RAI1: variants seen among roughly 807,000 people sequenced by gnomAD.
The protein encoded by RAI1 is retinoic acid induced 1, also known as retinoic acid-induced protein 1.
In RAI1, 9 loss-of-function variants were observed where a neutral mutation model predicts 123.8. The observed-to-expected ratio is 0.07, with a 90% CI of 0.04 to 0.13. The LOEUF is 0.13. RAI1 is among the 10% of genes least tolerant of loss of function. The probability of loss-of-function intolerance (pLI) is 1.00; values close to 1 mark genes in which losing one functional copy is unlikely to be tolerated. For missense variants in RAI1, 2,256 were observed against 2,545.8 expected (o/e 0.89, Z 2.45); for synonymous variants, 1,231 against 1,127.3 (o/e 1.09, Z -1.84).
chr17:17,719,110 G>A (rs1915798609), intron 1 of RAI1, among the ~76,000 whole-genome samples: 1 of 152,184 alleles, frequency 6.6e-6, no homozygotes. Flanking sequence ...CTGGACTAGT[G>A]TAGGATGCAG....
intron 1 of RAI1, among the ~76,000 whole-genome samples, chr17:17,705,495 G>A (rs929267069): frequency 3.3e-5 from 5 of 152,042 alleles, no homozygotes; most frequent in African/African-American, 1.2e-4. Context: ...TCGGTGAGCT[G>A]AGATCGTGCC....
intron 2 of RAI1, among the ~76,000 whole-genome samples, chr17:17,732,082 G>A (rs554534697): frequency 3.3e-5 from 5 of 152,078 alleles, no homozygotes; most frequent in South Asian, 4.2e-4. Flanking sequence ...CCAGCCCTGG[G>A]CACTTTGCTG....
chr17:17,712,297 T>A (rs1296043765), intron 1 of RAI1, among the ~76,000 whole-genome samples: 4 of 152,208 alleles, frequency 2.6e-5, no homozygotes, highest in Non-Finnish European at 5.9e-5. Context: ...TGATATGTGT[T>A]AGGAAGCAAA....
At chr17:17,791,430 C>A (rs1047075985) in intron 2 of RAI1, among the ~76,000 whole-genome samples, 2 of 152,034 alleles carry the variant, frequency 1.3e-5, no homozygotes, top group Admixed American at 1.3e-4. Context: ...CTTCCCTGTG[C>A]CCCTCCCCGA....
Position 17,707,235 on chromosome 17 carries a change from C to T in RAI1, c.-148-16793C>T, listed in dbSNP as rs116814469. Among the ~76,000 whole-genome samples the T allele has an allele frequency of 3.0e-3, 460 of 152,152 alleles. 2 individuals are homozygous for T. The highest frequency in any genetic ancestry group is 6.2e-3 in the African/African-American group (258 of 41,498). ...TGAGGTGGGAAGATCGCTTGAGCCC[C>T]GGAGTTTGAATCCAGCCTGGGTAAC... On this transcript the variant is annotated intron_variant, in intron 1 of 5. Coordinates refer to ENST00000353383, the MANE Select transcript of RAI1 (RefSeq NM_030665.4).
intron 1 of RAI1, among the ~76,000 whole-genome samples, chr17:17,705,519 C>G (rs1273395041): frequency 1.3e-5 from 2 of 151,884 alleles, no homozygotes; most frequent in African/African-American, 4.8e-5. Flanking sequence ...GCACTCCAGC[C>G]TGGGCAACAA....
intron 2 of RAI1, among the ~76,000 whole-genome samples, chr17:17,735,353 CTTT>C (rs554442849): frequency 6.0e-5 from 8 of 132,406 alleles, no homozygotes; most frequent in Non-Finnish European, 3.3e-5. Context: ...AATGCCCAGC[CTTT>C]TTTTTTTTTT....
intron 2 of RAI1, among the ~76,000 whole-genome samples, chr17:17,760,227 C>T (rs1460762485): frequency 2.6e-5 from 4 of 152,186 alleles, no homozygotes; most frequent in Admixed American, 1.3e-4. Flanking sequence ...CAGTGAGGGG[C>T]CAACTTTACT....
intron 2 of RAI1, among the ~76,000 whole-genome samples, chr17:17,774,620 T>G (rs2031273840): frequency 6.6e-6 from 1 of 152,250 alleles, no homozygotes; most frequent in Admixed American, 6.5e-5. Flanking sequence ...GGAGCCAGGT[T>G]TCTGTCACTT....
At chr17:17,759,928 AG>A (rs1181168544) in intron 2 of RAI1, among the ~76,000 whole-genome samples, 1 of 152,222 alleles carries the variant, frequency 6.6e-6, no homozygotes, top group African/African-American at 2.4e-5. Context: ...GTGCTTATTA[AG>A]GGCTCTGGAT....
At chr17:17,792,788 G>A in intron 2 of RAI1, 145 bp from the exon 3 acceptor site, 1 of 686,066 alleles carries the variant, frequency 1.5e-6, no homozygotes, top group Non-Finnish European at 2.6e-6. Context: ...GCGCGGGGGA[G>A]CAGGCAGGGT....
chr17:17,714,633 A>G lies in RAI1; in HGVS notation c.-148-9395A>G, dbSNP rs1915658218. Among the ~76,000 whole-genome samples, 3 of 152,184 alleles carry G rather than the reference A, an allele frequency of 2.0e-5. No individual in the cohort carries two copies. Among genetic ancestry groups the G allele is most frequent in the Admixed American group, 2.0e-4 (3 of 15,286 alleles). On this transcript the variant is annotated intron_variant, in intron 1 of 5. Coordinates refer to ENST00000353383, the MANE Select transcript of RAI1 (RefSeq NM_030665.4). This position sits in a 1 kb window ranked among gnomAD's most constrained non-coding sequence, Gnocchi z 4.9. ...GAAAAACCTGAGGCTCAGAAACGTA[A>G]CGGGAAGCAGCTGGGTGCGAGCCTC...
chr17:17,694,554 C>T (rs1914946674), intron 1 of RAI1, among the ~76,000 whole-genome samples: 2 of 152,172 alleles, frequency 1.3e-5, no homozygotes. Flanking sequence ...ATTTCCTTTC[C>T]TCTCTCCCCG....
chr17:17,809,876 C>T lies in RAI1; in HGVS notation c.5710-94C>T. The T allele has an allele frequency of 6.5e-7, 1 of 1,536,088 alleles. No individual in the cohort carries two copies. Among genetic ancestry groups the T allele is most frequent in the Non-Finnish European group, 8.8e-7 (1 of 1,137,482 alleles). On this transcript the variant is annotated intron_variant, in intron 5 of 5. Coordinates refer to ENST00000353383, the MANE Select transcript of RAI1 (RefSeq NM_030665.4). The surrounding 1 kb of genome is among the most constrained non-coding windows in gnomAD (Gnocchi z 4.9). ...AGCCGCGCTCTGGGGTCGCCTGGGTCTGGGGCTTAGGCGGGGGGCCCACAC... is the reference window on the plus strand; with the variant it reads ...AGCCGCGCTCTGGGGTCGCCTGGGTTTGGGGCTTAGGCGGGGGGCCCACAC...
At chr17:17,753,996 G>A (rs2030322413) in intron 2 of RAI1, among the ~76,000 whole-genome samples, 1 of 152,088 alleles carries the variant, frequency 6.6e-6, no homozygotes, top group Non-Finnish European at 1.5e-5. Flanking sequence ...CTGTAAAGCA[G>A]GGGAGACCTA....
intron 2 of RAI1, among the ~76,000 whole-genome samples, chr17:17,754,649 A>G (rs966484147): frequency 3.3e-5 from 5 of 152,142 alleles, no homozygotes; most frequent in African/African-American, 1.2e-4. Context: ...CCCTCTGTAA[A>G]CTGTTATTAA....
At position 17,794,202 on chromosome 17, in the gene RAI1, G is replaced by A; in HGVS notation, c.1254G>A (p.Gln418=). 6.2e-7 allele frequency: 1 copy of A among 1,613,588 alleles called. No individual in the cohort carries two copies. Among genetic ancestry groups the A allele is most frequent in the Non-Finnish European group, 8.5e-7 (1 of 1,180,012 alleles). Residue 418 remains glutamine, a synonymous_variant, in exon 3 of 6, where the codon CAG becomes CAA. Coordinates refer to ENST00000353383, the MANE Select transcript of RAI1 (RefSeq NM_030665.4). The part of the protein sequence containing the change: ...DTQAGNCKPL[Q]KDKLPENLLS... ...AGGCTGGCAACTGCAAGCCCCTTCA[G>A]AAGGACAAGCTCCCTGAGAACCTGC...
At chr17:17,733,826 G>T (rs1046766438) in intron 2 of RAI1, among the ~76,000 whole-genome samples, 6 of 152,226 alleles carry the variant, frequency 3.9e-5, no homozygotes, top group African/African-American at 1.4e-4. Context: ...AGGAGAGCCA[G>T]TGTAATTTGG....
At chr17:17,693,075 C>T (rs757513391) in intron 1 of RAI1, among the ~76,000 whole-genome samples, 9 of 152,244 alleles carry the variant, frequency 5.9e-5, no homozygotes, top group Non-Finnish European at 1.0e-4. Context: ...GGCTTCCCGA[C>T]ACTGCCATGG....
Sources: allele counts gnomAD v4.1 joint callset (sites outside exome capture counted in the v4.1 genomes callset), GRCh38; gene constraint gnomAD v4.1.1; non-coding constraint Gnocchi (gnomAD v3.1); transcripts MANE v1.5; gene names NCBI Gene and HGNC (gene_info 2026-07-23, HGNC 2026-07-21).